The following GNG2 variants were observed in gnomAD, a reference collection of about 807,000 sequenced individuals.
GNG2 encodes the protein G protein subunit gamma 2, also known as guanine nucleotide-binding protein G(I)/G(S)/G(O) subunit gamma-2.
A neutral mutation model predicts 5.5 loss-of-function variants in GNG2; 5 were observed. The observed-to-expected ratio is 0.91, with a 90% CI of 0.48 to 1.92. The LOEUF (loss-of-function observed/expected upper bound fraction) is 1.92, where lower values mean the gene tolerates loss of function less well. Among genes scored for constraint, GNG2 ranks in the 30% most tolerant of loss-of-function variants. The pLI, the probability that GNG2 is intolerant of heterozygous loss-of-function variation, is 0.01. For missense variants in GNG2, 55 were observed against 88.4 expected (o/e 0.62, Z 1.52); for synonymous variants, 28 against 32.0 (o/e 0.88, Z 0.42).
At chr14:51,915,065 A>G (rs1271904136) in intron 2 of GNG2, among the ~76,000 whole-genome samples, 1 of 152,208 alleles carries the variant, frequency 6.6e-6, no homozygotes, top group African/African-American at 2.4e-5. Context: ...TCAGAAAACT[A>G]TGTAACCCAA....
intron 2 of GNG2, among the ~76,000 whole-genome samples, chr14:51,929,029 TATATGTGAAGCTC>T (rs1887506562): frequency 6.6e-6 from 1 of 152,246 alleles, no homozygotes; most frequent in Non-Finnish European, 1.5e-5. Flanking sequence ...GTCGTTTATC[TATATGTGAAGCTC>T]AGGAATAAGA....
chr14:51,926,513 T>C (rs1277435189), intron 2 of GNG2, among the ~76,000 whole-genome samples: 1 of 152,200 alleles, frequency 6.6e-6, no homozygotes, highest in Admixed American at 6.5e-5. Flanking sequence ...GCTCAGCACG[T>C]GGTGAGAAAC....
chr14:51,932,960 A>C (rs1887753678), intron 2 of GNG2, among the ~76,000 whole-genome samples: 1 of 152,226 alleles, frequency 6.6e-6, no homozygotes, highest in Non-Finnish European at 1.5e-5. Context: ...GGGAGATGAC[A>C]AAAGGCAAGG....
At chr14:51,926,681 C>T (rs1248178168) in intron 2 of GNG2, among the ~76,000 whole-genome samples, 3 of 152,152 alleles carry the variant, frequency 2.0e-5, no homozygotes, top group Non-Finnish European at 2.9e-5. Flanking sequence ...TGGCCTCTTC[C>T]TTTTCCGGTG....
intron 2 of GNG2, among the ~76,000 whole-genome samples, chr14:51,842,307 G>A (rs1351309433): frequency 6.6e-6 from 1 of 152,186 alleles, no homozygotes; most frequent in Admixed American, 6.5e-5. Context: ...TTTAATACAT[G>A]TTATTTTGTA....
chr14:51,932,272 A>AAAAGG (rs1887712828), intron 2 of GNG2, among the ~76,000 whole-genome samples: 4 of 65,008 alleles, frequency 6.2e-5, no homozygotes, highest in Non-Finnish European at 1.3e-4. Flanking sequence ...AAAAAAAAAA[A>AAAAGG]GAAAAGAAAA....
intron 2 of GNG2, among the ~76,000 whole-genome samples, chr14:51,943,633 G>A (rs1011622589): frequency 6.6e-6 from 1 of 152,188 alleles, no homozygotes; most frequent in Non-Finnish European, 1.5e-5. Flanking sequence ...GTAAGAATCA[G>A]TGAATGTAGT....
chr14:51,908,562 C>CTAT (rs1886092515), intron 2 of GNG2, among the ~76,000 whole-genome samples: 3 of 130,934 alleles, frequency 2.3e-5, no homozygotes, highest in South Asian at 2.5e-4. Flanking sequence ...ATCTATCTAT[C>CTAT]CATATATATA....
intron 2 of GNG2, among the ~76,000 whole-genome samples, chr14:51,901,600 G>A (rs939112185): frequency 6.6e-6 from 1 of 152,148 alleles, no homozygotes; most frequent in Non-Finnish European, 1.5e-5. Context: ...GATATTGACA[G>A]CCCCAGTAGC....
intron 3 of GNG2, among the ~76,000 whole-genome samples, chr14:51,954,534 A>G (rs1373138006): frequency 2.0e-5 from 3 of 152,240 alleles, no homozygotes; most frequent in Non-Finnish European, 4.4e-5. Context: ...AGTTTCTAAT[A>G]ATAGGAATCT....
intron 2 of GNG2, among the ~76,000 whole-genome samples, chr14:51,851,755 AATCTT>A (rs1208576656): frequency 6.6e-6 from 1 of 152,190 alleles, no homozygotes; most frequent in Non-Finnish European, 1.5e-5. Context: ...TCTTCTTTAA[AATCTT>A]ATCTTTTCTC....
intron 2 of GNG2, chr14:51,827,828 A>C (rs1881068880): frequency 1.5e-6 from 1 of 673,506 alleles, no homozygotes; most frequent in Non-Finnish European, 2.7e-6. Context: ...ACAAATGGTG[A>C]TGGAAGGATA....
rs569969612 is a variant in GNG2, at chr14:51,905,721, G to A, written c.-30+28064G>A. 5.3e-5 allele frequency among the ~76,000 whole-genome samples: 8 copies of A among 152,292 alleles called. No homozygotes were observed. In the South Asian group the frequency reaches 1.7e-3, roughly 32 times the overall value. On this transcript the variant is annotated intron_variant, in intron 2 of 3. Coordinates refer to ENST00000556766, the MANE Select transcript of GNG2 (RefSeq NM_053064.5). ...GAGTTGTAGTTCCCATAATCCCCACGTGTTGTGGGAGGGACCAGGTGGAAA... is the reference window on the plus strand; with the variant it reads ...GAGTTGTAGTTCCCATAATCCCCACATGTTGTGGGAGGGACCAGGTGGAAA...
intron 2 of GNG2, among the ~76,000 whole-genome samples, chr14:51,915,574 C>A (rs1208127270): frequency 1.3e-5 from 2 of 152,172 alleles, no homozygotes; most frequent in African/African-American, 4.8e-5. Context: ...TAGAAGCCAT[C>A]CGTTCTCTTT....
chr14:51,894,109 A>G (rs1885034168), intron 2 of GNG2, among the ~76,000 whole-genome samples: 1 of 152,054 alleles, frequency 6.6e-6, no homozygotes, highest in Non-Finnish European at 1.5e-5. Context: ...ATTTTGTTAT[A>G]TTGCAAAAAG....
intron 2 of GNG2, among the ~76,000 whole-genome samples, chr14:51,945,014 A>C (rs1888558823): frequency 6.6e-6 from 1 of 152,354 alleles, no homozygotes. Flanking sequence ...ATGGCCAATA[A>C]ACACATGAAA....
chr14:51,941,405 C>G (rs577243350), intron 2 of GNG2, among the ~76,000 whole-genome samples: 104 of 152,306 alleles, frequency 6.8e-4, no homozygotes, highest in African/African-American at 2.4e-3. Context: ...AATTTGTATT[C>G]TAGACAGAAA....
At chr14:51,907,420 T>C (rs1886002190) in intron 2 of GNG2, among the ~76,000 whole-genome samples, 1 of 152,222 alleles carries the variant, frequency 6.6e-6, no homozygotes, top group Non-Finnish European at 1.5e-5. Context: ...ATAACAACGG[T>C]AATAGCAGAA....
chr14:51,908,542 CTA>C (rs1449639587), intron 2 of GNG2, among the ~76,000 whole-genome samples: 1 of 151,580 alleles, frequency 6.6e-6, no homozygotes, highest in Non-Finnish European at 1.5e-5. Flanking sequence ...ATCTATCTAT[CTA>C]TCTATCTATC....
Sources: allele counts gnomAD v4.1 joint callset (sites outside exome capture counted in the v4.1 genomes callset), GRCh38; gene constraint gnomAD v4.1.1; transcripts MANE v1.5; gene names NCBI Gene and HGNC (gene_info 2026-07-23, HGNC 2026-07-21).